Variants in ALOX5AP observed in about 807,000 individuals in gnomAD.
ALOX5AP encodes the protein arachidonate 5-lipoxygenase-activating protein.
ALOX5AP carries 9 observed loss-of-function variants against 18.5 expected under a neutral mutation model. The ratio of observed to expected loss-of-function variants is 0.49; its 90% CI spans 0.29 to 0.85. ALOX5AP has a LOEUF of 0.85. Among genes scored for constraint, ALOX5AP ranks in the 40% least tolerant of loss-of-function variants. The pLI, the probability that ALOX5AP is intolerant of heterozygous loss-of-function variation, is 0.08. For missense variants in ALOX5AP, 172 were observed against 202.5 expected, an observed-to-expected ratio of 0.85 and a Z score of 0.91; for synonymous variants, 81 against 78.6, an observed-to-expected ratio of 1.03 and a Z score of -0.16.
In ALOX5AP at chr13:30,735,688, C is replaced by T. The variant is rs1315999289; in HGVS notation, c.70+13C>T. The T allele has an allele frequency of 6.2e-7, 1 of 1,613,972 alleles. No individual in the cohort carries two copies. Among genetic ancestry groups the T allele is most frequent in the Non-Finnish European group, 8.5e-7 (1 of 1,179,950 alleles). On this transcript the variant is annotated intron_variant, in intron 1 of 4. Transcript: ENST00000380490. ...GTGGTCCAGAATGGTAAGGAAAGCC[C>T]TTCACTCAGGGAAGAACAGAAGGGG... is the stretch of plus-strand genomic sequence containing the variant.
upstream of ALOX5AP, chr13:30,735,396 ACACACT>A (rs1482938447): frequency 3.8e-6 from 4 of 1,058,400 alleles, no homozygotes; most frequent in Non-Finnish European, 5.2e-6. Context: ...TCCTGGTGGG[ACACACT>A]GAACCACAGC....
intron 1 of ALOX5AP, among the ~76,000 whole-genome samples, chr13:30,738,995 A>G (rs879928037): frequency 1.3e-5 from 2 of 152,176 alleles, no homozygotes; most frequent in African/African-American, 4.8e-5. Context: ...TTTGCCATCC[A>G]ACCTGGGATT....
intron 1 of ALOX5AP, among the ~76,000 whole-genome samples, chr13:30,719,021 C>T (rs1250910637): frequency 1.3e-5 from 2 of 152,222 alleles, no homozygotes; most frequent in African/African-American, 4.8e-5. Flanking sequence ...GCCATCGTGC[C>T]TGTCAGCGCA....
chr13:30,722,060 A>G (rs1215083881), intron 1 of ALOX5AP, among the ~76,000 whole-genome samples: 11 of 152,206 alleles, frequency 7.2e-5, no homozygotes. Flanking sequence ...TGCATTCCTC[A>G]TCTTTTCTGA....
upstream of ALOX5AP, among the ~76,000 whole-genome samples, chr13:30,734,084 T>C (rs569404741): frequency 1.3e-5 from 2 of 152,302 alleles, no homozygotes; most frequent in Non-Finnish European, 2.9e-5. Flanking sequence ...ATTTCTATTA[T>C]AAATCTGCAA....
intron 1 of ALOX5AP, among the ~76,000 whole-genome samples, chr13:30,743,818 A>G (rs1275679063): frequency 6.6e-6 from 1 of 151,968 alleles, no homozygotes; most frequent in African/African-American, 2.4e-5. Flanking sequence ...ATTCCTTTAG[A>G]CTGTAAGATC....
At chr13:30,743,838 G>A (rs1270120851) in intron 1 of ALOX5AP, among the ~76,000 whole-genome samples, 1 of 152,070 alleles carries the variant, frequency 6.6e-6, no homozygotes, top group Non-Finnish European at 1.5e-5. Flanking sequence ...CCTAGAAAGT[G>A]GGGGCCGTGC....
intron 1 of ALOX5AP, among the ~76,000 whole-genome samples, chr13:30,721,505 A>C (rs1378773073): frequency 1.3e-5 from 2 of 150,964 alleles, no homozygotes. Context: ...TTGTGCTACT[A>C]TTTAGTAAAC....
At chr13:30,752,338 T>A (rs1388959421) in intron 3 of ALOX5AP, among the ~76,000 whole-genome samples, 1 of 152,208 alleles carries the variant, frequency 6.6e-6, no homozygotes. Flanking sequence ...TGCTCCCTGG[T>A]GGCTGGCTGA....
intron 4 of ALOX5AP, among the ~76,000 whole-genome samples, chr13:30,760,706 C>G (rs1951934331): frequency 6.6e-6 from 1 of 152,204 alleles, no homozygotes; most frequent in Non-Finnish European, 1.5e-5. Flanking sequence ...CATGCAACCT[C>G]TCTTTTCTGT....
In ALOX5AP at chr13:30,757,547, A is replaced by C. The variant is rs575691625; in HGVS notation, c.323+1522A>C. ...CTTTTCCCATGTGATTACCTCGTTA[A>C]GAGTGGGGGTGGAATGTCTAGCAAT... On this transcript the variant is annotated intron_variant, in intron 4 of 4. Coordinates refer to ENST00000380490, the MANE Select transcript of ALOX5AP (RefSeq NM_001629.4). Among the ~76,000 whole-genome samples, 7 of 152,236 alleles carry C rather than the reference A, an allele frequency of 4.6e-5. No homozygotes were observed. The East Asian group carries it at 1.3e-3, about 29-fold the overall frequency.
At chr13:30,718,076 C>T (rs1415345147) in intron 1 of ALOX5AP, among the ~76,000 whole-genome samples, 9 of 151,942 alleles carry the variant, frequency 5.9e-5, no homozygotes, top group Non-Finnish European at 1.5e-5. Flanking sequence ...TCTCCTGCCT[C>T]AGCCTCCCGA....
chr13:30,713,865 C>T (rs747612223), intron 1 of ALOX5AP: 89 of 1,531,660 alleles, frequency 5.8e-5, no homozygotes, highest in Middle Eastern at 3.3e-4. Context: ...TGCGCGCACA[C>T]GCGCATGTGT....
upstream of ALOX5AP, among the ~76,000 whole-genome samples, chr13:30,731,338 T>C (rs1951679021): frequency 6.6e-6 from 1 of 152,018 alleles, no homozygotes; most frequent in South Asian, 2.1e-4. Flanking sequence ...TGAACCCTTG[T>C]TCTGCTCCTT....
chr13:30,752,265 G>A (rs1020686750), intron 3 of ALOX5AP, 143 bp downstream of exon 3: 5 of 780,388 alleles, frequency 6.4e-6, no homozygotes, highest in African/African-American at 3.5e-5. Context: ...GCCCTCGGGA[G>A]GCCGTGTTTC....
intron 1 of ALOX5AP, among the ~76,000 whole-genome samples, chr13:30,728,973 G>C (rs1171692780): frequency 1.3e-5 from 2 of 152,212 alleles, no homozygotes; most frequent in Non-Finnish European, 2.9e-5. Flanking sequence ...TACCCTTGCT[G>C]ACCATTCCAA....
chr13:30,729,184 T>C (rs1030667238), intron 1 of ALOX5AP, among the ~76,000 whole-genome samples: 2 of 152,226 alleles, frequency 1.3e-5, no homozygotes, highest in Non-Finnish European at 2.9e-5. Context: ...CTCATGCTTT[T>C]TGTGTTATCT....
chr13:30,713,501 G>A, exon 1 of ALOX5AP: 1 of 517,926 alleles, frequency 1.9e-6, no homozygotes. Context: ...GCATTTGGAG[G>A]TGAAGGGGTC....
chr13:30,719,245 G>T (rs1236525795), intron 1 of ALOX5AP, among the ~76,000 whole-genome samples: 1 of 152,176 alleles, frequency 6.6e-6, no homozygotes. Context: ...TGCTGTATCT[G>T]GTATACCTAG....
Sources: gnomAD v4.1 joint callset for allele counts (sites outside exome capture counted in the v4.1 genomes callset) on GRCh38, gnomAD v4.1.1 for gene constraint, MANE v1.5 for transcripts, NCBI Gene and HGNC (gene_info 2026-07-23, HGNC 2026-07-21) for gene names.